Variants in KAZN observed in about 807,000 individuals in gnomAD.
The protein encoded by KAZN is kazrin.
In KAZN, 40 loss-of-function variants were observed where a neutral mutation model predicts 87.4. The observed-to-expected ratio is 0.46, with a 90% CI of 0.36 to 0.60. The LOEUF (loss-of-function observed/expected upper bound fraction) is 0.60, where lower values mean the gene tolerates loss of function less well. Ranked by LOEUF, KAZN falls within the 20% of genes least tolerant of loss-of-function variation. The pLI, the probability that KAZN is intolerant of heterozygous loss-of-function variation, is 0.00. For missense variants in KAZN, 898 were observed against 1,073.9 expected (o/e 0.84, Z 2.29); for synonymous variants, 466 against 458.3 (o/e 1.02, Z -0.22).
At chr1:14,467,969 C>T (rs78179663) in intron 2 of KAZN, among the ~76,000 whole-genome samples, 3,422 of 152,252 alleles carry the variant, frequency 0.022, 75 homozygotes, top group East Asian at 0.088. Flanking sequence ...GCATAAATCA[C>T]GTGCTCTTCT....
rs187947809 is a variant in KAZN, at chr1:13,967,692, T to C, written c.91+73936T>C. On this transcript the variant is annotated intron_variant, in intron 1 of 16. Coordinates refer to the KAZN transcript ENST00000636203. The stretch of plus-strand genomic sequence containing the variant: ...AGGAGAAGTGCCTTCATACGTTCCA[T>C]GGGTGGAGACTGGGGCAGGGGAGTG... Among the ~76,000 whole-genome samples, 284 of 152,260 alleles carry C rather than the reference T, an allele frequency of 1.9e-3. 2 individuals are homozygous for C. Among genetic ancestry groups the C allele is most frequent in the African/African-American group, 6.7e-3 (278 of 41,540 alleles).
intron 2 of KAZN, among the ~76,000 whole-genome samples, chr1:14,411,122 A>C (rs1185499745): frequency 6.6e-6 from 1 of 152,246 alleles, no homozygotes; most frequent in Non-Finnish European, 1.5e-5. Flanking sequence ...CAAATACAGA[A>C]GAATGACCTT....
Position 13,939,522 on chromosome 1 carries a change from C to T in KAZN, c.91+45766C>T, listed in dbSNP as rs188870901. On this transcript the variant is annotated intron_variant, in intron 1 of 16. Transcript: ENST00000636203. ...TTTTGGTCACAACCATTTAACCAGT[C>T]TCTAAGAAGTTCCAAATTTTCCCTC... is the stretch of plus-strand genomic sequence containing the variant. 2.0e-5 allele frequency among the ~76,000 whole-genome samples: 3 copies of T among 152,356 alleles called. No homozygotes were observed. The East Asian group carries it at 5.8e-4, about 29-fold the overall frequency.
chr1:14,394,393 G>A (rs1032941454), intron 2 of KAZN, among the ~76,000 whole-genome samples: 2 of 152,244 alleles, frequency 1.3e-5, no homozygotes, highest in South Asian at 2.1e-4. Flanking sequence ...AGGAATCTGG[G>A]ATGGGGGTAG....
intron 1 of KAZN, among the ~76,000 whole-genome samples, chr1:13,904,989 T>C (rs1639383857): frequency 6.6e-6 from 1 of 152,224 alleles, no homozygotes; most frequent in Admixed American, 6.5e-5. Context: ...ATCTTCTGGT[T>C]CATTAATTTT....
At chr1:14,806,167 G>A (rs1407153728) in intron 1 of KAZN, among the ~76,000 whole-genome samples, 1 of 152,170 alleles carries the variant, frequency 6.6e-6, no homozygotes, top group African/African-American at 2.4e-5. Context: ...TTAGGGAAAA[G>A]CCTGAAGCTC....
intron 2 of KAZN, among the ~76,000 whole-genome samples, chr1:14,402,853 A>G (rs1571536681): frequency 6.7e-6 from 1 of 150,230 alleles, no homozygotes; most frequent in Non-Finnish European, 1.5e-5. Flanking sequence ...TTTGAGACAG[A>G]GTCTCACTCT....
At chr1:14,772,469 G>A (rs1408436222) in intron 1 of KAZN, among the ~76,000 whole-genome samples, 1 of 151,500 alleles carries the variant, frequency 6.6e-6, no homozygotes, top group Non-Finnish European at 1.5e-5. Flanking sequence ...GGGTGACAGA[G>A]TGAGATCCTG....
At chr1:14,131,982 C>T (rs1645001982) in intron 1 of KAZN, among the ~76,000 whole-genome samples, 1 of 152,116 alleles carries the variant, frequency 6.6e-6, no homozygotes, top group South Asian at 2.1e-4. Flanking sequence ...TTGGGTGCCA[C>T]CTGCCACTCA....
At chr1:14,410,835 G>A (rs185045161) in intron 2 of KAZN, among the ~76,000 whole-genome samples, 3 of 152,316 alleles carry the variant, frequency 2.0e-5, no homozygotes, top group East Asian at 3.9e-4. Context: ...AAAGAGGCCA[G>A]GCATGGATTC....
In KAZN at chr1:14,152,993, A is replaced by C. The variant is rs114585217; in HGVS notation, c.92-27442A>C. Among the ~76,000 whole-genome samples the C allele has an allele frequency of 7.0e-3, 1,067 of 152,262 alleles. 8 individuals are homozygous for C. Among genetic ancestry groups the C allele is most frequent in the African/African-American group, 0.023 (976 of 41,554 alleles). Reference sequence around the variant, plus strand: ...TGTTTGCCATTGGTAAGTTTTTTTAATTGAGAAATGTCTATTTAGATCTTT... The same window carrying C: ...TGTTTGCCATTGGTAAGTTTTTTTACTTGAGAAATGTCTATTTAGATCTTT... On this transcript the variant is annotated intron_variant, in intron 1 of 16. Transcript: ENST00000636203.
At chr1:14,766,300 G>T (rs1291462716) in intron 1 of KAZN, among the ~76,000 whole-genome samples, 1 of 151,994 alleles carries the variant, frequency 6.6e-6, no homozygotes, top group Non-Finnish European at 1.5e-5. Flanking sequence ...GATGCTGGCA[G>T]CTGGAAGTTG....
At chr1:14,413,596 A>AAT (rs1664489888) in intron 2 of KAZN, among the ~76,000 whole-genome samples, 1 of 90,360 alleles carries the variant, frequency 1.1e-5, no homozygotes, top group South Asian at 2.6e-4. Flanking sequence ...CTCAAAAGAA[A>AAT]AAAAAAAAAA....
At chr1:14,711,917 C>T (rs754329724) in intron 1 of KAZN, among the ~76,000 whole-genome samples, 1 of 152,146 alleles carries the variant, frequency 6.6e-6, no homozygotes, top group Non-Finnish European at 1.5e-5. Context: ...CCATTAGGAC[C>T]GGGACAGCTT....
chr1:15,064,285 C>T (rs757330003), intron 7 of KAZN, among the ~76,000 whole-genome samples: 74 of 152,150 alleles, frequency 4.9e-4, no homozygotes, highest in Non-Finnish European at 8.5e-4. Context: ...CCATTCGCAA[C>T]GGAGACCACC....
chr1:14,663,206 G>A (rs1406787074), intron 1 of KAZN, among the ~76,000 whole-genome samples: 2 of 151,916 alleles, frequency 1.3e-5, no homozygotes, highest in Non-Finnish European at 2.9e-5. Context: ...CAAACTCCAG[G>A]ACTCAAGCAA....
intron 2 of KAZN, among the ~76,000 whole-genome samples, chr1:14,427,230 A>G (rs1382643253): frequency 1.3e-5 from 2 of 152,138 alleles, no homozygotes; most frequent in African/African-American, 2.4e-5. Context: ...TGGTGTCGGT[A>G]CACCCTTCAC....
intron 2 of KAZN, among the ~76,000 whole-genome samples, chr1:14,213,940 A>G (rs1646907092): frequency 1.3e-5 from 2 of 152,166 alleles, no homozygotes; most frequent in Admixed American, 1.3e-4. Flanking sequence ...AAGTGTGAAG[A>G]GCAAATGGGA....
At chr1:14,479,446 C>G (rs1311580680) in intron 2 of KAZN, among the ~76,000 whole-genome samples, 1 of 152,224 alleles carries the variant, frequency 6.6e-6, no homozygotes, top group Non-Finnish European at 1.5e-5. Flanking sequence ...ATGGCCTGCC[C>G]CAGCTTCTGT....
Sources: allele counts gnomAD v4.1 joint callset (sites outside exome capture counted in the v4.1 genomes callset), GRCh38; gene constraint gnomAD v4.1.1; transcripts MANE v1.5; gene names NCBI Gene and HGNC (gene_info 2026-07-23, HGNC 2026-07-21).